LARGE1: variants seen among roughly 807,000 people sequenced by gnomAD.
The protein encoded by LARGE1 is xylosyl- and glucuronyltransferase LARGE1.
LARGE1 carries 43 observed loss-of-function variants against 87.6 expected under a neutral mutation model. That is an observed-to-expected ratio of 0.49 (90% confidence interval 0.38 to 0.63). LARGE1 has a LOEUF of 0.63. LARGE1 is among the 30% of genes least tolerant of loss of function. The probability of loss-of-function intolerance (pLI) is 0.00; values close to 1 mark genes in which losing one functional copy is unlikely to be tolerated. For missense variants in LARGE1, 802 were observed against 1,000.2 expected (o/e 0.80, Z 2.67); for synonymous variants, 434 against 394.6 (o/e 1.10, Z -1.18).
intron 5 of LARGE1, among the ~76,000 whole-genome samples, chr22:33,580,680 G>A (rs541642386): frequency 6.6e-6 from 1 of 152,168 alleles, no homozygotes; most frequent in Non-Finnish European, 1.5e-5. Flanking sequence ...CACACTCTGG[G>A]ACACAATGTA....
At chr22:33,655,122 T>C (rs1005306938) in intron 2 of LARGE1, among the ~76,000 whole-genome samples, 2 of 152,200 alleles carry the variant, frequency 1.3e-5, no homozygotes, top group South Asian at 4.1e-4. Flanking sequence ...TCAACTCAAC[T>C]GGGCCAGGTG....
chr22:33,777,092 G>A (rs958127427), intron 1 of LARGE1, among the ~76,000 whole-genome samples: 2 of 152,086 alleles, frequency 1.3e-5, no homozygotes, highest in Admixed American at 6.6e-5. Flanking sequence ...GCCAGAAGAT[G>A]GCACAATTTC....
At chr22:33,520,047 C>T (rs2071503625) in intron 6 of LARGE1, among the ~76,000 whole-genome samples, 1 of 146,836 alleles carries the variant, frequency 6.8e-6, no homozygotes, top group Non-Finnish European at 1.5e-5. Context: ...CTCTGTCACC[C>T]AGGCTGGAGT....
In LARGE1 at chr22:33,697,549, C is replaced by CCAAAAAA. The variant is rs746642240; in HGVS notation, c.107-46882_107-46881insTTTTTTG. Among the ~76,000 whole-genome samples the CCAAAAAA allele has an allele frequency of 1.1e-4, 6 of 54,094 alleles. No homozygotes were observed. The Admixed American group carries it at 1.4e-3, about 12-fold the overall frequency. 35.5% of individuals were successfully genotyped at this position (54,094 alleles called of 152,430 possible). On this transcript the variant is annotated intron_variant, in intron 2 of 14. Coordinates refer to ENST00000397394, the MANE Select transcript of LARGE1 (RefSeq NM_133642.5). The stretch of plus-strand genomic sequence containing the variant: ...CTGGCGACAAAGCTAGACTCTGTCC[C>CCAAAAAA]AAAAAAAAAAAAAAAAAAAAAGGAA...
intron 1 of LARGE1, among the ~76,000 whole-genome samples, chr22:33,914,078 C>T (rs1217952318): frequency 6.6e-6 from 1 of 152,164 alleles, no homozygotes; most frequent in East Asian, 1.9e-4. Flanking sequence ...AGCACTCCTC[C>T]ACTTGGCTTC....
intron 2 of LARGE1, among the ~76,000 whole-genome samples, chr22:33,669,970 G>A (rs758950378): frequency 9.2e-5 from 14 of 152,270 alleles, no homozygotes; most frequent in Non-Finnish European, 1.5e-4. Flanking sequence ...AGGGAGTGCC[G>A]TTGTGTGTAA....
intron 10 of LARGE1, among the ~76,000 whole-genome samples, chr22:33,318,913 CT>C (rs1335462575): frequency 6.6e-6 from 1 of 151,890 alleles, no homozygotes; most frequent in East Asian, 1.9e-4. Flanking sequence ...AGAAGGTGTA[CT>C]TTTTTAAATC....
intron 9 of LARGE1, 81 bp downstream of exon 9, chr22:33,381,838 T>C: frequency 6.4e-7 from 1 of 1,554,378 alleles, no homozygotes; most frequent in East Asian, 2.2e-5. Flanking sequence ...TGCACATAAA[T>C]CTCCCAGCCA....
At chr22:33,161,122 T>C (rs1263041935), downstream of LARGE1, among the ~76,000 whole-genome samples, 1 of 152,094 alleles carries the variant, frequency 6.6e-6, no homozygotes, top group Non-Finnish European at 1.5e-5. Context: ...GAGAGAGAAA[T>C]GCCGAGCAAG....
At chr22:33,738,113 C>T (rs545771994) in intron 2 of LARGE1, among the ~76,000 whole-genome samples, 2 of 152,134 alleles carry the variant, frequency 1.3e-5, no homozygotes, top group South Asian at 4.2e-4. Context: ...TTCAGGTAAT[C>T]GAATTTGGTT....
At chr22:33,489,563 T>A (rs562443299) in intron 6 of LARGE1, among the ~76,000 whole-genome samples, 3 of 152,176 alleles carry the variant, frequency 2.0e-5, no homozygotes, top group Non-Finnish European at 4.4e-5. Flanking sequence ...TCTCACCAGA[T>A]CTGATGGTTT....
intron 2 of LARGE1, chr22:33,704,879 CCT>C (rs1307643515): frequency 6.6e-6 from 1 of 152,236 alleles, no homozygotes; most frequent in Non-Finnish European, 1.5e-5. Context: ...CTGCTAGACC[CCT>C]GAGGCCACAG....
At chr22:33,101,767 C>A in the LARGE1 span, among the ~76,000 whole-genome samples, 1 of 152,064 alleles carries the variant, frequency 6.6e-6, no homozygotes, top group Non-Finnish European at 1.5e-5. Context: ...AGATAAGGTA[C>A]CTACATGTGC....
chr22:33,813,367 T>C (rs978923183), intron 1 of LARGE1, among the ~76,000 whole-genome samples: 2 of 152,132 alleles, frequency 1.3e-5, no homozygotes, highest in African/African-American at 4.8e-5. Flanking sequence ...TTGTATGCTC[T>C]TTTGTTCATC....
At chr22:33,844,052 C>A (rs2063357908) in intron 1 of LARGE1, among the ~76,000 whole-genome samples, 1 of 137,982 alleles carries the variant, frequency 7.2e-6, no homozygotes, top group Admixed American at 7.1e-5. Flanking sequence ...GCACTCCAGC[C>A]TGGGTGACAA....
chr22:33,421,392 C>T (rs1235440278), intron 7 of LARGE1, among the ~76,000 whole-genome samples: 1 of 151,992 alleles, frequency 6.6e-6, no homozygotes, highest in African/African-American at 2.4e-5. Flanking sequence ...TGTTCATTCC[C>T]CAGAATAAGG....
intron 11 of LARGE1, among the ~76,000 whole-genome samples, chr22:33,170,166 C>A (rs1306425950): frequency 6.6e-6 from 1 of 151,896 alleles, no homozygotes; most frequent in African/African-American, 2.4e-5. Flanking sequence ...GTCAGGAGTT[C>A]TAGACCAGCC....
At chr22:33,351,458 T>C (rs1053110071) in intron 9 of LARGE1, among the ~76,000 whole-genome samples, 2 of 152,212 alleles carry the variant, frequency 1.3e-5, no homozygotes, top group Non-Finnish European at 2.9e-5. Flanking sequence ...TATTTTATAA[T>C]TACTAATATT....
chr22:33,782,929 A>C (rs1245697141), intron 1 of LARGE1, among the ~76,000 whole-genome samples: 1 of 149,712 alleles, frequency 6.7e-6, no homozygotes, highest in Admixed American at 6.7e-5. Context: ...TTCCACTTCC[A>C]CTCATCACAC....
Sources: gnomAD v4.1 joint callset for allele counts (sites outside exome capture counted in the v4.1 genomes callset) on GRCh38, gnomAD v4.1.1 for gene constraint, MANE v1.5 for transcripts, NCBI Gene and HGNC (gene_info 2026-07-23, HGNC 2026-07-21) for gene names.